The following SLCO4C1 variants were observed in gnomAD, a reference collection of about 807,000 sequenced individuals.
SLCO4C1 encodes solute carrier organic anion transporter family member 4C1, also known as organic anion transporter M1.
A neutral mutation model predicts 72.1 loss-of-function variants in SLCO4C1; 58 were observed. That is an observed-to-expected ratio of 0.80 (90% CI 0.65 to 1.00). The LOEUF is 1.00. Among genes scored for constraint, SLCO4C1 ranks in the 50% least tolerant of loss-of-function variants. The probability of loss-of-function intolerance (pLI) is 0.00; values close to 1 mark genes in which losing one functional copy is unlikely to be tolerated. For synonymous variants in SLCO4C1, 297 were observed against 312.5 expected (o/e 0.95, Z 0.52); for missense variants, 898 against 857.9 (o/e 1.05, Z -0.58).
chr5:102,247,675 C>CT (rs1748660313), intron 9 of SLCO4C1, among the ~76,000 whole-genome samples: 1 of 152,064 alleles, frequency 6.6e-6, no homozygotes, highest in South Asian at 2.1e-4. Context: ...AGTTTGTAAC[C>CT]TGCTACAGTG....
chr5:102,253,222 A>G (rs1748774463), intron 8 of SLCO4C1, among the ~76,000 whole-genome samples: 1 of 152,226 alleles, frequency 6.6e-6, no homozygotes, highest in Non-Finnish European at 1.5e-5. Flanking sequence ...AAGTTCCTAT[A>G]GATTGTCAAG....
At chr5:102,290,030 C>T (rs952465205) in intron 2 of SLCO4C1, among the ~76,000 whole-genome samples, 1 of 152,024 alleles carries the variant, frequency 6.6e-6, no homozygotes, top group Admixed American at 6.6e-5. Flanking sequence ...AAAGGAACAC[C>T]TGAGGTATTT....
chr5:102,239,160 A>C, intron 12 of SLCO4C1, 91 bp downstream of exon 12: 1 of 1,224,312 alleles, frequency 8.2e-7, no homozygotes, highest in Non-Finnish European at 1.1e-6. Flanking sequence ...GAACATTTCA[A>C]AATACCTGTG....
In SLCO4C1 at chr5:102,236,832, G is replaced by C; in HGVS notation, c.*26C>G. The C allele has an allele frequency of 6.2e-7, 1 of 1,606,836 alleles. No individual in the cohort carries two copies. Among genetic ancestry groups the C allele is most frequent in the Non-Finnish European group, 8.5e-7 (1 of 1,178,054 alleles). ...AAAAATCGAGGTAAATTTTCCAGGT[G>C]TAAAACAGTCTTCTCTTTTCCCATT... On this transcript the variant is annotated 3_prime_UTR_variant, in exon 13 of 13. Coordinates refer to ENST00000310954, the MANE Select transcript of SLCO4C1 (RefSeq NM_180991.5).
intron 8 of SLCO4C1, among the ~76,000 whole-genome samples, chr5:102,250,104 A>G (rs1289077457): frequency 6.6e-6 from 1 of 152,170 alleles, no homozygotes; most frequent in Non-Finnish European, 1.5e-5. Flanking sequence ...TAGAATGTTT[A>G]GCAGCTTCTC....
At chr5:102,258,278 T>C (rs1748875427) in intron 6 of SLCO4C1, among the ~76,000 whole-genome samples, 191 bp from the exon 7 acceptor site, 1 of 152,322 alleles carries the variant, frequency 6.6e-6, no homozygotes, top group African/African-American at 2.4e-5. Flanking sequence ...AATTTATATG[T>C]GGAAAACCTA....
chr5:102,288,076 T>A (rs60647834), intron 2 of SLCO4C1, among the ~76,000 whole-genome samples: 31,922 of 151,936 alleles, frequency 0.21, 4,278 homozygotes, highest in Non-Finnish European at 0.27. Context: ...AACTAATATA[T>A]CCCTTCCTGA....
In SLCO4C1 at chr5:102,291,608, T is replaced by C. The variant is rs910138946; in HGVS notation, c.356-2A>G. 2 of 1,595,790 alleles carry C rather than the reference T, an allele frequency of 1.3e-6. No homozygotes were observed. Among genetic ancestry groups the C allele is most frequent in the East Asian group, 4.5e-5 (2 of 44,592 alleles). On this transcript the variant is annotated splice_acceptor_variant, in intron 1 of 12. Transcript: ENST00000310954. LOFTEE classifies it high-confidence loss of function. ...TTACTAGGCCATTAACTACAATACCTAAAAAACAGAAAAGTTGATGTGCAT... is the reference window on the plus strand; with the variant it reads ...TTACTAGGCCATTAACTACAATACCCAAAAAACAGAAAAGTTGATGTGCAT...
chr5:102,295,442 T>C (rs1749631285), intron 1 of SLCO4C1, among the ~76,000 whole-genome samples: 1 of 152,200 alleles, frequency 6.6e-6, no homozygotes, highest in Non-Finnish European at 1.5e-5. Context: ...TTTCATAGCT[T>C]TCTTCCTTGT....
intron 4 of SLCO4C1, among the ~76,000 whole-genome samples, chr5:102,262,876 G>A (rs78403079): frequency 1.5e-3 from 227 of 152,196 alleles, no homozygotes; most frequent in African/African-American, 5.0e-3. Flanking sequence ...AGGACTAACA[G>A]TTTAGAGAAC....
chr5:102,271,407 T>C (rs1356644465), intron 2 of SLCO4C1, among the ~76,000 whole-genome samples: 1 of 151,290 alleles, frequency 6.6e-6, no homozygotes, highest in Non-Finnish European at 1.5e-5. Flanking sequence ...TTTTTTTAAG[T>C]TTACCCTGGC....
intron 1 of SLCO4C1, among the ~76,000 whole-genome samples, 182 bp downstream of exon 1, chr5:102,295,726 G>A (rs1328002970): frequency 6.6e-6 from 1 of 152,252 alleles, no homozygotes; most frequent in Non-Finnish European, 1.5e-5. Flanking sequence ...ACTTTGGAAG[G>A]CTGGCTGGGG....
intron 3 of SLCO4C1, among the ~76,000 whole-genome samples, chr5:102,264,838 A>ATT (rs70990403): frequency 5.3e-5 from 8 of 151,638 alleles, no homozygotes; most frequent in East Asian, 1.9e-4. Flanking sequence ...ATGAGCTGAT[A>ATT]TTTTTTCTTT....
intron 8 of SLCO4C1, among the ~76,000 whole-genome samples, chr5:102,254,355 G>A (rs1047594400): frequency 3.3e-5 from 5 of 152,072 alleles, no homozygotes; most frequent in South Asian, 2.1e-4. Flanking sequence ...CAGAGTACAC[G>A]ATCAGTTTAT....
chr5:102,240,809 CA>C, intron 10 of SLCO4C1, 27 bp from the exon 11 acceptor site: 19 of 1,537,560 alleles, frequency 1.2e-5, no homozygotes, highest in Non-Finnish European at 1.5e-5. Context: ...TATATGAGAC[CA>C]AAAAAGGTGG....
intron 2 of SLCO4C1, among the ~76,000 whole-genome samples, chr5:102,271,713 T>G (rs945418543): frequency 5.9e-5 from 9 of 152,126 alleles, no homozygotes; most frequent in Non-Finnish European, 1.2e-4. Flanking sequence ...AACTAATTTT[T>G]CAATTAGTTC....
At chr5:102,251,095 C>T (rs1748731253) in intron 8 of SLCO4C1, among the ~76,000 whole-genome samples, 1 of 152,084 alleles carries the variant, frequency 6.6e-6, no homozygotes, top group African/African-American at 2.4e-5. Flanking sequence ...GGTAGAGAAA[C>T]AGCATCCTCT....
intron 4 of SLCO4C1, among the ~76,000 whole-genome samples, chr5:102,263,120 T>C (rs1303170618): frequency 6.6e-6 from 1 of 152,214 alleles, no homozygotes; most frequent in Non-Finnish European, 1.5e-5. Flanking sequence ...TCAACTACTT[T>C]GCAGAATACT....
At chr5:102,263,210 T>C (rs1464358316) in intron 4 of SLCO4C1, among the ~76,000 whole-genome samples, 2 of 152,122 alleles carry the variant, frequency 1.3e-5, no homozygotes, top group Non-Finnish European at 2.9e-5. Context: ...ATAGGACAAA[T>C]AAATATTATC....
Sources: gnomAD v4.1 joint callset for allele counts (sites outside exome capture counted in the v4.1 genomes callset) on GRCh38, gnomAD v4.1.1 for gene constraint, MANE v1.5 for transcripts, NCBI Gene and HGNC (gene_info 2026-07-23, HGNC 2026-07-21) for gene names.